The following VTI1A variants were observed in gnomAD, a reference collection of about 807,000 sequenced individuals.
VTI1A encodes the protein vesicle transport through interaction with t-SNAREs homolog 1A.
A neutral mutation model predicts 34.9 loss-of-function variants in VTI1A; 22 were observed. The ratio of observed to expected loss-of-function variants is 0.63; its 90% CI spans 0.45 to 0.90. VTI1A has a LOEUF of 0.90. Among genes scored for constraint, VTI1A ranks in the 40% least tolerant of loss-of-function variants. The pLI, the probability that VTI1A is intolerant of heterozygous loss-of-function variation, is 0.00. For synonymous variants in VTI1A, 87 were observed against 97.3 expected (o/e 0.89, Z 0.62); for missense variants, 268 against 275.6 (o/e 0.97, Z 0.20).
chr10:112,738,360 C>T (rs1037902758), intron 7 of VTI1A, among the ~76,000 whole-genome samples: 1 of 152,156 alleles, frequency 6.6e-6, no homozygotes. Flanking sequence ...TCCTCACTCT[C>T]CTCTATAACG....
rs1197557812 is a variant in VTI1A at position 112,518,585 on chromosome 10, C to CTATA, written c.265-8501_265-8500insATAT. On this transcript the variant is annotated intron_variant, in intron 3 of 7. Transcript: ENST00000393077. Reference sequence around the variant, plus strand: ...TCTCTCTCTCTCTCTCTCTCTCTCTCTCTCTATATATATATATATATATAT... The same window carrying CTATA: ...TCTCTCTCTCTCTCTCTCTCTCTCTCTATATCTCTATATATATATATATATATAT... Among the ~76,000 whole-genome samples the CTATA allele has an allele frequency of 1.9e-4, 17 of 88,840 alleles. No individual in the cohort carries two copies. In the East Asian group the frequency reaches 2.0e-3, roughly 10 times the overall value. The allele number at this position is 88,840 out of a possible 152,430, so 58.3% of individuals were successfully genotyped here. A position where few individuals can be genotyped will look rare whatever the true frequency, so the allele number is the denominator to read the frequency against.
intron 3 of VTI1A, among the ~76,000 whole-genome samples, chr10:112,511,955 C>G (rs980813502): frequency 6.6e-6 from 1 of 152,124 alleles, no homozygotes; most frequent in African/African-American, 2.4e-5. Context: ...TTTTCTTTAT[C>G]CATTCATTTG....
At chr10:112,615,527 G>A (rs1166881843) in intron 5 of VTI1A, among the ~76,000 whole-genome samples, 1 of 152,106 alleles carries the variant, frequency 6.6e-6, no homozygotes, top group Non-Finnish European at 1.5e-5. Flanking sequence ...TGAGTTGGTG[G>A]TGAACAAAAT....
chr10:112,696,094 T>TTATATATATATATA lies in VTI1A; in HGVS notation c.560+27104_560+27117dup, dbSNP rs140889088. Among the ~76,000 whole-genome samples the TTATATATATATATA allele has an allele frequency of 5.6e-3, 809 of 145,116 alleles. 4 individuals are homozygous for TTATATATATATATA. The highest frequency in any genetic ancestry group is 9.5e-3 in the East Asian group (47 of 4,938). ...AGAAAAATGTAATTAGAGAGAATGA[T>TTATATATATATATA]TATATATATATATATATATATGCAC... On this transcript the variant is annotated intron_variant, in intron 7 of 7. Transcript: ENST00000393077.
At chr10:112,694,711 G>C (rs1016275891) in intron 7 of VTI1A, among the ~76,000 whole-genome samples, 3 of 152,036 alleles carry the variant, frequency 2.0e-5, no homozygotes, top group Admixed American at 2.0e-4. Context: ...ATCAAGCCTT[G>C]TAATCCCAGC....
At chr10:112,801,823 T>G (rs1361222178) in intron 7 of VTI1A, among the ~76,000 whole-genome samples, 3 of 152,168 alleles carry the variant, frequency 2.0e-5, no homozygotes, top group Non-Finnish European at 4.4e-5. Flanking sequence ...GTGCCAGTGA[T>G]TGAGGAAAGC....
intron 7 of VTI1A, among the ~76,000 whole-genome samples, chr10:112,776,637 A>G (rs1851963109): frequency 6.6e-6 from 1 of 151,506 alleles, no homozygotes; most frequent in Admixed American, 6.6e-5. Flanking sequence ...CCACATTATT[A>G]TAATTTTCTC....
At chr10:112,781,067 C>A (rs540958140) in intron 7 of VTI1A, among the ~76,000 whole-genome samples, 1 of 152,282 alleles carries the variant, frequency 6.6e-6, no homozygotes, top group South Asian at 2.1e-4. Flanking sequence ...GCCTCAGCCT[C>A]CCAAGTAGCT....
chr10:112,706,682 A>C (rs960799777), intron 7 of VTI1A, among the ~76,000 whole-genome samples: 1 of 152,052 alleles, frequency 6.6e-6, no homozygotes, highest in Non-Finnish European at 1.5e-5. Context: ...GGCCTTTCCC[A>C]CTCTGAACCA....
At chr10:112,838,529 AT>A in the VTI1A span, among the ~76,000 whole-genome samples, 1 of 152,164 alleles carries the variant, frequency 6.6e-6, no homozygotes, top group South Asian at 2.1e-4. Flanking sequence ...TGTGTCCAGT[AT>A]TTTATTGAAA....
intron 7 of VTI1A, among the ~76,000 whole-genome samples, chr10:112,771,919 C>T (rs6585186): frequency 0.26 from 40,192 of 152,100 alleles, 5,682 homozygotes; most frequent in East Asian, 0.41. Flanking sequence ...TTCCATTGTA[C>T]GGATATACCA....
At chr10:112,490,141 G>T (rs566739845) in intron 3 of VTI1A, among the ~76,000 whole-genome samples, 215 of 152,218 alleles carry the variant, frequency 1.4e-3, no homozygotes, top group Non-Finnish European at 2.3e-3. Context: ...CTTGTTCCTG[G>T]AAATTAAGTG....
chr10:112,454,670 G>T (rs1847364777), intron 1 of VTI1A, among the ~76,000 whole-genome samples: 4 of 147,080 alleles, frequency 2.7e-5, no homozygotes. Context: ...ACTATGCTAA[G>T]ACTTATGTGT....
intron 7 of VTI1A, among the ~76,000 whole-genome samples, chr10:112,711,495 T>C (rs372306664): frequency 1.8e-4 from 28 of 152,172 alleles, no homozygotes; most frequent in Non-Finnish European, 3.5e-4. Flanking sequence ...TTGTATAGCA[T>C]ATTCTTATTG....
intron 5 of VTI1A, among the ~76,000 whole-genome samples, chr10:112,648,919 C>A (rs536340307): frequency 2.6e-5 from 4 of 152,006 alleles, no homozygotes; most frequent in Admixed American, 2.0e-4. Context: ...TTTCTTTACT[C>A]ATCTATTAAG....
intron 7 of VTI1A, among the ~76,000 whole-genome samples, chr10:112,695,099 AG>A (rs1848735529): frequency 6.6e-6 from 1 of 152,086 alleles, no homozygotes. Flanking sequence ...ATTTTTTTTG[AG>A]CTTTGTCTTT....
At chr10:112,654,535 G>A (rs893725437) in intron 5 of VTI1A, among the ~76,000 whole-genome samples, 8 of 151,570 alleles carry the variant, frequency 5.3e-5, no homozygotes, top group African/African-American at 1.7e-4. Context: ...AACTGTCACC[G>A]AGGCTGGAGT....
chr10:112,568,598 G>A (rs1373634232), intron 5 of VTI1A, among the ~76,000 whole-genome samples: 1 of 152,106 alleles, frequency 6.6e-6, no homozygotes, highest in African/African-American at 2.4e-5. Context: ...GAAGTGTTCT[G>A]TAAATGATAG....
intron 3 of VTI1A, among the ~76,000 whole-genome samples, chr10:112,472,808 A>G (rs867978807): frequency 7.2e-5 from 11 of 152,270 alleles, no homozygotes; most frequent in African/African-American, 2.6e-4. Flanking sequence ...AGTGCATTCT[A>G]AAAAGAAATG....
Sources: allele counts gnomAD v4.1 joint callset (sites outside exome capture counted in the v4.1 genomes callset), GRCh38; gene constraint gnomAD v4.1.1; transcripts MANE v1.5; gene names NCBI Gene and HGNC (gene_info 2026-07-23, HGNC 2026-07-21).